Variants in SEZ6L observed in about 807,000 individuals in gnomAD.
SEZ6L encodes the protein seizure related 6 homolog like.
A neutral mutation model predicts 106.2 loss-of-function variants in SEZ6L; 37 were observed. That is an observed-to-expected ratio of 0.35 (90% CI 0.27 to 0.46). The LOEUF (loss-of-function observed/expected upper bound fraction) is 0.46, where lower values mean the gene tolerates loss of function less well. SEZ6L is among the 20% of genes least tolerant of loss of function. The pLI is 1.00. For missense variants in SEZ6L, 1,172 were observed against 1,332.8 expected (o/e 0.88, Z 1.88); for synonymous variants, 541 against 570.4 (o/e 0.95, Z 0.73).
intron 1 of SEZ6L, among the ~76,000 whole-genome samples, chr22:26,286,931 A>G (rs1409488747): frequency 6.6e-6 from 1 of 151,964 alleles, no homozygotes; most frequent in African/African-American, 2.4e-5. Context: ...TATTTTTAGT[A>G]GAGACAGGAT....
In SEZ6L at chr22:26,310,854, C is replaced by A; in HGVS notation, c.1681+18C>A. On this transcript the variant is annotated intron_variant, in intron 7 of 16. Coordinates refer to ENST00000248933, the MANE Select transcript of SEZ6L (RefSeq NM_021115.5). The stretch of plus-strand genomic sequence containing the variant: ...ATTTGAAGGTGAGGGTCCCTGGGAG[C>A]TTCCCTTTCTCTTGTGGGGCTGGGG... 2 of 1,611,292 alleles carry A rather than the reference C, an allele frequency of 1.2e-6. No individual in the cohort carries two copies. The highest frequency in any genetic ancestry group is 8.5e-7 in the Non-Finnish European group (1 of 1,178,782).
At chr22:26,204,024 C>T (rs1237277789) in intron 1 of SEZ6L, among the ~76,000 whole-genome samples, 1 of 152,172 alleles carries the variant, frequency 6.6e-6, no homozygotes, top group Non-Finnish European at 1.5e-5. Context: ...TGTTTCAAAT[C>T]TCCAGACACC....
chr22:26,326,887 G>T (rs567137692), intron 9 of SEZ6L, among the ~76,000 whole-genome samples: 1 of 152,328 alleles, frequency 6.6e-6, no homozygotes, highest in Non-Finnish European at 1.5e-5. Context: ...ACCCCTCTGG[G>T]GCCTTCCGGG....
At chr22:26,299,219 GAAAGACCAACCTGTAGGAC>G in intron 5 of SEZ6L, 50 bp downstream of exon 5, 1 of 1,312,724 alleles carries the variant, frequency 7.6e-7, no homozygotes, top group African/African-American at 1.5e-5. Context: ...ACTAAGAGGG[GAAAGACCAACCTGTAGGAC>G]ACCGAGAGTG....
intron 12 of SEZ6L, among the ~76,000 whole-genome samples, chr22:26,364,431 A>C (rs2083738707): frequency 6.7e-6 from 1 of 150,372 alleles, no homozygotes; most frequent in Non-Finnish European, 1.5e-5. Flanking sequence ...ACTTTAAAAA[A>C]AAAAAAAAAA....
chr22:26,292,920 C>T lies in SEZ6L; in HGVS notation c.609C>T (p.Ser203=), dbSNP rs758627070. ...VPTTPAPLQI[S]PFTSQPYVAH... The stretch of plus-strand genomic sequence containing the variant: ...CAACACCCGCACCCCTGCAAATCTC[C>T]CCCTTCACTTCGCAGCCCTATGTGG... Residue 203 remains serine (S), a synonymous_variant, in exon 2 of 17, where the codon TCC becomes TCT. Coordinates refer to ENST00000248933, the MANE Select transcript of SEZ6L (RefSeq NM_021115.5). 1 of 1,614,216 alleles carries T rather than the reference C, an allele frequency of 6.2e-7. No homozygotes were observed. Among genetic ancestry groups the T allele is most frequent in the Non-Finnish European group, 8.5e-7 (1 of 1,180,038 alleles).
intron 1 of SEZ6L, among the ~76,000 whole-genome samples, chr22:26,240,919 A>G (rs2079106685): frequency 6.6e-6 from 1 of 152,162 alleles, no homozygotes; most frequent in South Asian, 2.1e-4. Flanking sequence ...GAAGATGGTG[A>G]CATTTGACCT....
At position 26,377,533 on chromosome 22, in the gene SEZ6L, A is replaced by C. The variant is rs1391022746; in HGVS notation, c.2943-140A>C. 1.0e-5 allele frequency: 7 copies of C among 688,328 alleles called. No homozygotes were observed. In the Admixed American group the frequency reaches 1.6e-4, roughly 16 times the overall value. The allele number at this position is 688,328 out of a possible 1,614,324, so 42.6% of individuals were successfully genotyped here. ...TCACCTCACTAGGATTCTCGCCTGC[A>C]AAAGGCTGTTTGCACACATCCTCGT... On this transcript the variant is annotated intron_variant, in intron 15 of 16. Transcript: ENST00000248933.
At chr22:26,295,173 G>A (rs1368840682) in intron 3 of SEZ6L, among the ~76,000 whole-genome samples, 2 of 152,120 alleles carry the variant, frequency 1.3e-5, no homozygotes, top group East Asian at 3.8e-4. Context: ...TAGGAATAAT[G>A]TTACTGCTTT....
chr22:26,314,504 C>T (rs1158973049), intron 9 of SEZ6L, among the ~76,000 whole-genome samples: 1 of 152,202 alleles, frequency 6.6e-6, no homozygotes, highest in Non-Finnish European at 1.5e-5. Context: ...CCAGAAGGTC[C>T]TCTCCTCTGG....
At chr22:26,169,827 G>A (rs1387413243) in intron 1 of SEZ6L, 64 bp downstream of exon 1, 14 of 831,226 alleles carry the variant, frequency 1.7e-5, no homozygotes, top group Middle Eastern at 8.0e-4. Context: ...GGCAGCCAGG[G>A]GTCGGGGCTG....
rs149644623 is a variant in SEZ6L at position 26,309,562 on chromosome 22, C to T, written c.1515-1108C>T. On this transcript the variant is annotated intron_variant, in intron 6 of 16. Coordinates refer to ENST00000248933, the MANE Select transcript of SEZ6L (RefSeq NM_021115.5). ...GGAGTCAAATGCTTAATAAACAAAA[C>T]TTACCTACCGTGTCCTGTTAACTAT... 4.1e-3 allele frequency among the ~76,000 whole-genome samples: 621 copies of T among 152,172 alleles called. 4 individuals carry two copies. Among genetic ancestry groups the T allele is most frequent in the African/African-American group, 0.014 (589 of 41,510 alleles).
chr22:26,260,938 G>A (rs2145817469), intron 1 of SEZ6L, among the ~76,000 whole-genome samples: 1 of 152,302 alleles, frequency 6.6e-6, no homozygotes, highest in African/African-American at 2.4e-5. Flanking sequence ...GCAGGAGTAA[G>A]ATGGTATTGC....
At chr22:26,291,844 T>C (rs1237977171) in intron 1 of SEZ6L, among the ~76,000 whole-genome samples, 4 of 152,160 alleles carry the variant, frequency 2.6e-5, no homozygotes, top group Non-Finnish European at 5.9e-5. Flanking sequence ...TCATATCAAA[T>C]ATGATTGTGT....
intron 1 of SEZ6L, among the ~76,000 whole-genome samples, chr22:26,207,280 A>T (rs1941321527): frequency 6.6e-6 from 1 of 152,228 alleles, no homozygotes; most frequent in Admixed American, 6.5e-5. Context: ...CCTTAGTTAG[A>T]GGCAGGATGC....
At chr22:26,180,304 G>C (rs571091083) in intron 1 of SEZ6L, among the ~76,000 whole-genome samples, 23 of 152,308 alleles carry the variant, frequency 1.5e-4, no homozygotes, top group African/African-American at 4.8e-4. Flanking sequence ...GATGTGGCCT[G>C]TCTGATAATC....
chr22:26,237,813 A>ATT (rs552131962), intron 1 of SEZ6L, among the ~76,000 whole-genome samples: 1 of 150,372 alleles, frequency 6.7e-6, no homozygotes, highest in Non-Finnish European at 1.5e-5. Context: ...AATGATTTGG[A>ATT]TTTTTTTTTT....
chr22:26,340,688 G>T (rs1379706381), intron 10 of SEZ6L, 56 bp downstream of exon 10: 1 of 1,473,492 alleles, frequency 6.8e-7, no homozygotes, highest in South Asian at 1.3e-5. Context: ...ACAGGTTAAG[G>T]TGGTTTCCTC....
chr22:26,245,345 C>A (rs375223092), intron 1 of SEZ6L, among the ~76,000 whole-genome samples: 4 of 152,104 alleles, frequency 2.6e-5, no homozygotes, highest in African/African-American at 9.7e-5. Flanking sequence ...ACAAGAGAGA[C>A]GAGAGACAAA....
Sources: gnomAD v4.1 joint callset for allele counts (sites outside exome capture counted in the v4.1 genomes callset) on GRCh38, gnomAD v4.1.1 for gene constraint, MANE v1.5 for transcripts, NCBI Gene and HGNC (gene_info 2026-07-23, HGNC 2026-07-21) for gene names.